The following EPOR variants were observed in gnomAD, a reference collection of about 807,000 sequenced individuals.
EPOR encodes the protein erythropoietin receptor.
In EPOR, 20 loss-of-function variants were observed where a neutral mutation model predicts 34.3. The observed-to-expected ratio is 0.58, with a 90% CI of 0.41 to 0.85. The LOEUF (loss-of-function observed/expected upper bound fraction) is 0.85, where lower values mean the gene tolerates loss of function less well. Among genes scored for constraint, EPOR ranks in the 40% least tolerant of loss-of-function variants. The pLI, the probability that EPOR is intolerant of heterozygous loss-of-function variation, is 0.00. For missense variants in EPOR, 601 were observed against 672.7 expected (o/e 0.89, Z 1.18); for synonymous variants, 312 against 299.0 (o/e 1.04, Z -0.45).
At position 11,384,110 on chromosome 19, in the gene EPOR, G is replaced by C; in HGVS notation, c.98C>G (p.Pro33Arg). ...AWAPPPNLPD[P>R]KFESKAALLA... The stretch of plus-strand genomic sequence containing the variant: ...ATCCTTACCTTTGCTCTCGAACTTG[G>C]GGTCCGGGAGGTTAGGCGGGGGCGC... Residue 33 changes from proline to arginine, a missense_variant, in exon 1 of 8, where the codon CCC becomes CGC. Transcript: ENST00000222139. 1.3e-6 allele frequency: 2 copies of C among 1,549,802 alleles called. No individual in the cohort carries two copies. The highest frequency in any genetic ancestry group is 1.7e-6 in the Non-Finnish European group (2 of 1,145,788).
At position 11,383,434 on chromosome 19, in the gene EPOR, C is replaced by T. The variant is rs979688616; in HGVS notation, c.116-202G>A. On this transcript the variant is annotated intron_variant, in intron 1 of 7. Transcript: ENST00000222139. This position sits in a 1 kb window ranked among gnomAD's most constrained non-coding sequence, Gnocchi z 4.9. Reference sequence around the variant, plus strand: ...AGGGGCAAGTTTCTCGCCTTACTGTCCCCCGCCGTCACCACTGGCGCACAC... The same window carrying T: ...AGGGGCAAGTTTCTCGCCTTACTGTTCCCCGCCGTCACCACTGGCGCACAC... 3.6e-6 allele frequency: 2 copies of T among 561,164 alleles called. No homozygotes were observed. The highest frequency in any genetic ancestry group is 3.3e-5 in the Admixed American group (1 of 29,930). 34.8% of individuals were successfully genotyped at this position (561,164 alleles called of 1,614,324 possible). A position where few individuals can be genotyped will look rare whatever the true frequency, so the allele number is the denominator to read the frequency against.
chr19:11,380,851 A>T (rs1968344633), intron 6 of EPOR, 33 bp downstream of exon 6: 3 of 1,501,182 alleles, frequency 2.0e-6, no homozygotes, highest in Non-Finnish European at 2.7e-6. Flanking sequence ...GGCGGGGAGG[A>T]GTCTGGGCCC....
In EPOR at chr19:11,378,044, A is replaced by AT; in HGVS notation, c.1466dup (p.Tyr489Ter). The change falls in exon 8 of 8, where the codon TAT (tyrosine) becomes TAAT (stop). Residue 489 changes from tyrosine (Y) to a stop codon, truncating the protein, a stop_gained and frameshift_variant. Coordinates refer to ENST00000222139, the MANE Select transcript of EPOR (RefSeq NM_000121.4). LOFTEE classifies it high-confidence loss of function. This position sits in a 1 kb window ranked among gnomAD's most constrained non-coding sequence, Gnocchi z 5.3. Reference sequence around the variant, plus strand: ...CAGCGGCTGGGATAAGGCTGTTCTCATAAGGGTTGGAGTAGGGGCCATCGG... The same window carrying AT: ...CAGCGGCTGGGATAAGGCTGTTCTCATTAAGGGTTGGAGTAGGGGCCATCGG... The part of the protein sequence containing the change: ...GLSDGPYSNP[Y>*]ENSLIPAAEP... 1 of 1,614,152 alleles carries AT rather than the reference A, an allele frequency of 6.2e-7. No individual in the cohort carries two copies. Among genetic ancestry groups the AT allele is most frequent in the Non-Finnish European group, 8.5e-7 (1 of 1,180,026 alleles).
chr19:11,382,878 G>T (rs1395309762), intron 2 of EPOR: 2 of 1,521,840 alleles, frequency 1.3e-6, no homozygotes, highest in Non-Finnish European at 1.8e-6. Context: ...ATCCCAGCCT[G>T]ATGTTTGGGG....
rs886054192 is a variant in EPOR, at chr19:11,378,742, G to A, written c.864C>T (p.Ser288=). Residue 288 remains serine (S), a synonymous_variant, in exon 7 of 8, where the codon AGC becomes AGT. Transcript: ENST00000222139. The surrounding 1 kb of genome is among the most constrained non-coding windows in gnomAD (Gnocchi z 5.3). ...AGAGGCCTTCAAACTCGCTCTCTGG[G>A]CTCGGGATGCCAGGCCAGATCTTCT... is the stretch of plus-strand genomic sequence containing the variant. The part of the protein sequence containing the change: ...LKQKIWPGIP[S]PESEFEGLFT... The A allele has an allele frequency of 1.9e-6, 3 of 1,614,188 alleles. No individual in the cohort carries two copies. The highest frequency in any genetic ancestry group is 2.5e-6 in the Non-Finnish European group (3 of 1,180,036).
chr19:11,382,058 C>T lies in EPOR; in HGVS notation c.299G>A (p.Arg100His). Residue 100 changes from arginine (R) to histidine (H), a missense_variant, in exon 3 of 8, where the codon CGT becomes CAT. By Grantham distance (29) the Arg-to-His change is conservative. Transcript: ENST00000222139. The part of the protein sequence containing the change: ...LCRLHQAPTA[R>H]GAVRFWCSLP... Reference sequence around the variant, plus strand: ...CGAACACCAGAAGCGCACCGCACCACGAGCCGTGGGAGCCTGGTGCAGGCG... The same window carrying T: ...CGAACACCAGAAGCGCACCGCACCATGAGCCGTGGGAGCCTGGTGCAGGCG... 3 of 1,614,026 alleles carry T rather than the reference C, an allele frequency of 1.9e-6. No individual in the cohort carries two copies. Among genetic ancestry groups the T allele is most frequent in the Non-Finnish European group, 2.5e-6 (3 of 1,180,014 alleles).
In EPOR at chr19:11,381,674, C is replaced by T. The variant is rs373277892; in HGVS notation, c.585+18G>A. ...GTCAGTGGAGCTTTGGGGGCTGGGCCGTAGGGGCTGGCCTCACCCTCTGTA... is the reference window on the plus strand; with the variant it reads ...GTCAGTGGAGCTTTGGGGGCTGGGCTGTAGGGGCTGGCCTCACCCTCTGTA... On this transcript the variant is annotated intron_variant, in intron 4 of 7. Transcript: ENST00000222139. The surrounding 1 kb of genome is among the most constrained non-coding windows in gnomAD (Gnocchi z 5.3). 57 of 1,592,386 alleles carry T rather than the reference C, an allele frequency of 3.6e-5. 1 individual carries two copies. Among genetic ancestry groups the T allele is most frequent in the South Asian group, 2.4e-4 (21 of 88,466 alleles).
chr19:11,384,301 G>A lies in EPOR; in HGVS notation c.-94C>T, dbSNP rs1350708329. On this transcript the variant is annotated 5_prime_UTR_variant, in exon 1 of 8. Transcript: ENST00000222139. The stretch of plus-strand genomic sequence containing the variant: ...AGCTGGGTCAGCAGCTGCCTCCGCC[G>A]GACGCAGCTGACCAGGCCCTTCCCG... 1.2e-6 allele frequency: 1 copy of A among 844,772 alleles called. No homozygotes were observed. The highest frequency in any genetic ancestry group is 1.9e-6 in the Non-Finnish European group (1 of 517,410). 52.3% of individuals were successfully genotyped at this position (844,772 alleles called of 1,614,324 possible). A position where few individuals can be genotyped will look rare whatever the true frequency, so the allele number is the denominator to read the frequency against.
At position 11,381,925 on chromosome 19, in the gene EPOR, C is replaced by G; in HGVS notation, c.427+5G>C. 2.5e-6 allele frequency: 4 copies of G among 1,614,246 alleles called. No homozygotes were observed. The highest frequency in any genetic ancestry group is 2.2e-5 in the East Asian group (1 of 44,890). ...CGACCACTCCTCCATTCCCAGAGCA[C>G]TTACCTACTTCATTGATGTGGATGA... On this transcript the variant is annotated splice_donor_5th_base_variant and intron_variant, in intron 3 of 7. Coordinates refer to ENST00000222139, the MANE Select transcript of EPOR (RefSeq NM_000121.4). This position sits in a 1 kb window ranked among gnomAD's most constrained non-coding sequence, Gnocchi z 5.3.
In EPOR at chr19:11,382,092, T is replaced by A; in HGVS notation, c.265A>T (p.Lys89Ter). 6.2e-7 allele frequency: 1 copy of A among 1,613,736 alleles called. No individual in the cohort carries two copies. Among genetic ancestry groups the A allele is most frequent in the South Asian group, 1.1e-5 (1 of 91,070 alleles). Residue 89 changes from lysine (K) to a stop codon, truncating the protein, a stop_gained, in exon 3 of 8, where the codon AAG becomes TAG. Coordinates refer to ENST00000222139, the MANE Select transcript of EPOR (RefSeq NM_000121.4). LOFTEE classifies it high-confidence loss of function. ...FSYQLEDEPW[K>*]LCRLHQAPTA... ...GGAGCCTGGTGCAGGCGACACAGCT[T>A]CCATGGCTCATCCCTATGCGCCCAG... is the stretch of plus-strand genomic sequence containing the variant.
chr19:11,382,798 G>A, intron 2 of EPOR: 1 of 1,369,442 alleles, frequency 7.3e-7, no homozygotes, highest in South Asian at 1.4e-5. Context: ...GCCTCCTTTT[G>A]GATACTACCT....
At position 11,383,912 on chromosome 19, in the gene EPOR, C is replaced by A. The variant is rs556991851; in HGVS notation, c.115+181G>T. On this transcript the variant is annotated intron_variant, in intron 1 of 7. Transcript: ENST00000222139. The surrounding 1 kb of genome is among the most constrained non-coding windows in gnomAD (Gnocchi z 4.9). Reference sequence around the variant, plus strand: ...ATCAGGAGTCTTGGATCCTAACATACCCCACCCCGCCCCCCACCCATCCAG... The same window carrying A: ...ATCAGGAGTCTTGGATCCTAACATAACCCACCCCGCCCCCCACCCATCCAG... Among the ~76,000 whole-genome samples, 12 of 151,124 alleles carry A rather than the reference C, an allele frequency of 7.9e-5. No homozygotes were observed. The highest frequency in any genetic ancestry group is 6.8e-3 in the Middle Eastern group (2 of 294).
Position 11,378,176 on chromosome 19 carries a change from C to T in EPOR, c.1335G>A (p.Leu445=), listed in dbSNP as rs2144693910. ...LLRPWTLCPE[L]PPTPPHLKYL... is the part of the protein sequence containing the mutation. ...ACTTTAGGTGGGGTGGGGTAGGGGG[C>T]AGCTCAGGGCACAGTGTCCATGGAC... The change falls in exon 8 of 8, where the codon CTG becomes CTA. Residue 445 remains leucine, a synonymous_variant. Coordinates refer to ENST00000222139, the MANE Select transcript of EPOR (RefSeq NM_000121.4). The surrounding 1 kb of genome is among the most constrained non-coding windows in gnomAD (Gnocchi z 5.3). 2 of 1,614,052 alleles carry T rather than the reference C, an allele frequency of 1.2e-6. No individual in the cohort carries two copies. The highest frequency in any genetic ancestry group is 1.7e-6 in the Non-Finnish European group (2 of 1,180,014).
rs766374051 is a variant in EPOR at position 11,383,214 on chromosome 19, C to T, written c.134G>A (p.Arg45Gln). The change falls in exon 2 of 8, where the codon CGG (arginine) becomes CAG (glutamine). Residue 45 changes from arginine to glutamine, a missense_variant. Physicochemically the swap from Arg to Gln is conservative, Grantham distance 43. Coordinates refer to ENST00000222139, the MANE Select transcript of EPOR (RefSeq NM_000121.4). The surrounding 1 kb of genome is among the most constrained non-coding windows in gnomAD (Gnocchi z 4.9). ...FESKAALLAA[R>Q]GPEELLCFTE... ...GAAGCACAGAAGCTCTTCGGGCCCC[C>T]GGGCCGCCAGCAAGGCCGCTGGGGA... 7 of 1,601,660 alleles carry T rather than the reference C, an allele frequency of 4.4e-6. No individual in the cohort carries two copies. The South Asian group carries it at 7.7e-5, about 18-fold the overall frequency.
chr19:11,384,086 T>C lies in EPOR; in HGVS notation c.115+7A>G, dbSNP rs192525298. On this transcript the variant is annotated splice_region_variant and intron_variant, in intron 1 of 7. Transcript: ENST00000222139. ...AGCGTAGGGGTCCACACGCAGCTCA[T>C]CCTTACCTTTGCTCTCGAACTTGGG... 161 of 1,537,996 alleles carry C rather than the reference T, an allele frequency of 1.0e-4. No individual in the cohort carries two copies. The highest frequency in any genetic ancestry group is 6.6e-4 in the African/African-American group (48 of 72,904).
At chr19:11,382,521 G>A (rs867672730) in intron 2 of EPOR, among the ~76,000 whole-genome samples, 2 of 152,162 alleles carry the variant, frequency 1.3e-5, no homozygotes, top group Non-Finnish European at 1.5e-5. Context: ...GCGCCACCAC[G>A]CCCGGCTAAT....
At chr19:11,380,997 C>T (rs1195529160) in intron 5 of EPOR, 26 bp from the exon 6 acceptor site, 1 of 1,555,546 alleles carries the variant, frequency 6.4e-7, no homozygotes. Context: ...GAGGTCAGGG[C>T]GGTGGGCTTG....
At position 11,378,275 on chromosome 19, in the gene EPOR, C is replaced by G; in HGVS notation, c.1236G>C (p.Ser412=). Reference sequence around the variant, plus strand: ...CAGAGGCTCCCTCTGGGCTGGGCTTCGAGGCCAAAGCAGATGAGCAGGAGG... The same window carrying G: ...CAGAGGCTCCCTCTGGGCTGGGCTTGGAGGCCAAAGCAGATGAGCAGGAGG... The part of the protein sequence containing the change: ...EASSCSSALA[S]KPSPEGASAA... Residue 412 remains serine (S), a synonymous_variant, in exon 8 of 8, where the codon TCG becomes TCC. Coordinates refer to ENST00000222139, the MANE Select transcript of EPOR (RefSeq NM_000121.4). The surrounding 1 kb of genome is among the most constrained non-coding windows in gnomAD (Gnocchi z 5.3). 5.0e-6 allele frequency: 8 copies of G among 1,614,036 alleles called. No individual in the cohort carries two copies. Among genetic ancestry groups the G allele is most frequent in the Non-Finnish European group, 6.8e-6 (8 of 1,180,012 alleles).
intron 6 of EPOR, among the ~76,000 whole-genome samples, chr19:11,379,094 G>A (rs1446839651): frequency 6.6e-6 from 1 of 152,122 alleles, no homozygotes; most frequent in Admixed American, 6.5e-5. Context: ...GGGAGGCTGA[G>A]GTGGGAGGAT....
Sources: allele counts gnomAD v4.1 joint callset (sites outside exome capture counted in the v4.1 genomes callset), GRCh38; gene constraint gnomAD v4.1.1; non-coding constraint Gnocchi (gnomAD v3.1); transcripts MANE v1.5; gene names NCBI Gene and HGNC (gene_info 2026-07-23, HGNC 2026-07-21).